Variants in ATG7 observed in about 807,000 individuals in gnomAD.
The protein encoded by ATG7 is autophagy related 7.
In ATG7, 70 loss-of-function variants were observed where a neutral mutation model predicts 82.4. The ratio of observed to expected loss-of-function variants is 0.85; its 90% CI spans 0.70 to 1.04. The LOEUF is 1.04. Ranked by LOEUF, ATG7 falls within the 50% of genes least tolerant of loss-of-function variation. ATG7 has a pLI of 0.00. For missense variants in ATG7, 792 were observed against 864.3 expected (o/e 0.92, Z 1.05); for synonymous variants, 287 against 313.0 (o/e 0.92, Z 0.88).
At chr3:11,306,760 A>C (rs569986577) in intron 5 of ATG7, among the ~76,000 whole-genome samples, 183 bp from the exon 6 acceptor site, 1 of 152,180 alleles carries the variant, frequency 6.6e-6, no homozygotes, top group African/African-American at 2.4e-5. Context: ...TTTAGGGGGG[A>C]ATGGTGCCTG....
Position 11,288,776 on chromosome 3 carries a change from A to G in ATG7, c.-11+6338A>G, listed in dbSNP as rs1363708934. The G allele has an allele frequency of 2.0e-5, 3 of 152,276 alleles. No individual in the cohort carries two copies. The East Asian group carries it at 5.8e-4, about 29-fold the overall frequency. The allele number at this position is 152,276 out of a possible 1,614,324, so 9.4% of individuals were successfully genotyped here. On this transcript the variant is annotated intron_variant, in intron 3 of 20. Transcript: ENST00000693202. ...ATTCAGTGACATTTTCTGAGCTCCT[A>G]CTTGTGCTGAGTGTGACTGAGTTTT...
At chr3:11,404,871 C>T (rs537291237) in intron 19 of ATG7, among the ~76,000 whole-genome samples, 19 of 152,040 alleles carry the variant, frequency 1.2e-4, no homozygotes, top group Non-Finnish European at 2.8e-4. Context: ...AGACCCGCCC[C>T]CATGATTCAG....
chr3:11,296,718 G>A (rs925196998), intron 3 of ATG7, among the ~76,000 whole-genome samples: 2 of 152,132 alleles, frequency 1.3e-5, no homozygotes, highest in African/African-American at 2.4e-5. Flanking sequence ...CTGGTTTCAC[G>A]TGTCCCTATT....
intron 9 of ATG7, among the ~76,000 whole-genome samples, chr3:11,323,932 G>A (rs139457502): frequency 3.3e-5 from 5 of 152,300 alleles, no homozygotes; most frequent in African/African-American, 1.2e-4. Context: ...CATGTTTTAT[G>A]GGATCATTGT....
intron 9 of ATG7, among the ~76,000 whole-genome samples, chr3:11,325,168 C>G (rs1013772089): frequency 3.3e-5 from 5 of 152,120 alleles, no homozygotes; most frequent in African/African-American, 1.2e-4. Context: ...TGTAAGAACA[C>G]TCTGTGATGT....
At chr3:11,455,509 G>A (rs900771196) in intron 20 of ATG7, among the ~76,000 whole-genome samples, 16 of 152,138 alleles carry the variant, frequency 1.1e-4, no homozygotes, top group African/African-American at 3.1e-4. Context: ...TACTCATTTT[G>A]TATAAAAGCC....
Position 11,307,074 on chromosome 3 carries a change from A to C in ATG7, c.333+14A>C. 6.2e-7 allele frequency: 1 copy of C among 1,600,236 alleles called. No individual in the cohort carries two copies. Among genetic ancestry groups the C allele is most frequent in the South Asian group, 1.1e-5 (1 of 90,780 alleles). ...GCAGCAAATGAGGTTAGCTGTGAAA[A>C]CGTGATGTATGTGTCATATTTCCTG... On this transcript the variant is annotated intron_variant, in intron 6 of 20. Coordinates refer to ENST00000693202, the MANE Select transcript of ATG7 (RefSeq NM_001349232.2).
chr3:11,298,636 G>A (rs1946315314), intron 3 of ATG7, 50 bp from the exon 4 acceptor site: 2 of 1,543,086 alleles, frequency 1.3e-6, no homozygotes, highest in Non-Finnish European at 8.8e-7. Flanking sequence ...TTCTCACCAG[G>A]TTTTGCATGG....
At chr3:11,393,169 C>A (rs1412796182) in intron 19 of ATG7, among the ~76,000 whole-genome samples, 1 of 152,112 alleles carries the variant, frequency 6.6e-6, no homozygotes, top group Non-Finnish European at 1.5e-5. Context: ...TCTTATAACC[C>A]ACGTATATAT....
At chr3:11,471,874 A>AT (rs1447977214) in intron 20 of ATG7, among the ~76,000 whole-genome samples, 1 of 149,010 alleles carries the variant, frequency 6.7e-6, no homozygotes, top group African/African-American at 2.5e-5. Flanking sequence ...AGTAGCTGGG[A>AT]TTATAGGCGT....
At chr3:11,322,295 G>C (rs993440591) in intron 9 of ATG7, among the ~76,000 whole-genome samples, 1 of 152,248 alleles carries the variant, frequency 6.6e-6, no homozygotes, top group South Asian at 2.1e-4. Flanking sequence ...TTCTAGTTGT[G>C]ACCCAGTAAA....
chr3:11,526,146 T>A (rs2124947954), intron 20 of ATG7, among the ~76,000 whole-genome samples: 1 of 152,222 alleles, frequency 6.6e-6, no homozygotes, highest in African/African-American at 2.4e-5. Context: ...ATCCCAGCAC[T>A]TTGGGAAGCT....
chr3:11,497,864 G>GT (rs1245831013), intron 20 of ATG7, among the ~76,000 whole-genome samples: 1 of 152,074 alleles, frequency 6.6e-6, no homozygotes, highest in Non-Finnish European at 1.5e-5. Flanking sequence ...AGAGCCCTTT[G>GT]TTGACATAAA....
intron 20 of ATG7, among the ~76,000 whole-genome samples, chr3:11,496,813 C>T (rs1381542929): frequency 6.6e-6 from 1 of 152,210 alleles, no homozygotes; most frequent in East Asian, 1.9e-4. Flanking sequence ...CTAAAATAAA[C>T]AAAAATCCAT....
At chr3:11,501,931 C>A (rs952856094) in intron 20 of ATG7, among the ~76,000 whole-genome samples, 10 of 152,086 alleles carry the variant, frequency 6.6e-5, no homozygotes, top group Non-Finnish European at 1.2e-4. Context: ...CTCAGTTGAT[C>A]CCCTGCCTCG....
intron 19 of ATG7, among the ~76,000 whole-genome samples, chr3:11,399,380 G>T (rs867017818): frequency 1.7e-4 from 26 of 152,060 alleles, no homozygotes; most frequent in African/African-American, 6.0e-4. Context: ...GGATGGAAAA[G>T]AATAAATTTA....
the ATG7 span, among the ~76,000 whole-genome samples, chr3:11,572,248 C>T: frequency 6.6e-6 from 1 of 152,238 alleles, no homozygotes; most frequent in South Asian, 2.1e-4. Context: ...GCAAAATAAG[C>T]ATCATCTCCA....
chr3:11,562,011 T>C (rs922276749), downstream of ATG7, among the ~76,000 whole-genome samples: 6 of 151,094 alleles, frequency 4.0e-5, no homozygotes, highest in African/African-American at 1.5e-4. Flanking sequence ...GCGATTCTCC[T>C]GTCAGCCTCC....
chr3:11,451,212 C>CTT (rs34036551), intron 20 of ATG7, among the ~76,000 whole-genome samples: 1 of 120,546 alleles, frequency 8.3e-6, no homozygotes. Flanking sequence ...AAGGTTGACA[C>CTT]TTTTTTTTTT....
Sources: gnomAD v4.1 joint callset for allele counts (sites outside exome capture counted in the v4.1 genomes callset) on GRCh38, gnomAD v4.1.1 for gene constraint, MANE v1.5 for transcripts, NCBI Gene and HGNC (gene_info 2026-07-23, HGNC 2026-07-21) for gene names.